The following AKT3 variants were observed in gnomAD, a reference collection of about 807,000 sequenced individuals.
AKT3 encodes RAC-gamma serine/threonine-protein kinase.
AKT3 carries 15 observed loss-of-function variants against 65.3 expected under a neutral mutation model. The ratio of observed to expected loss-of-function variants is 0.23; its 90% CI spans 0.15 to 0.35. The LOEUF is 0.35. AKT3 is among the 10% of genes least tolerant of loss of function. The probability of loss-of-function intolerance (pLI) is 1.00; values close to 1 mark genes in which losing one functional copy is unlikely to be tolerated. For synonymous variants in AKT3, 206 were observed against 183.8 expected (o/e 1.12, Z -0.98); for missense variants, 243 against 576.5 (o/e 0.42, Z 5.92).
intron 1 of AKT3, 98 bp from the exon 2 acceptor site, chr1:243,843,380 T>G: frequency 8.3e-7 from 1 of 1,203,278 alleles, no homozygotes; most frequent in Non-Finnish European, 1.1e-6. Context: ...TCAACTGGCC[T>G]GACCTCACAT....
chr1:243,773,065 A>G (rs900469812), intron 2 of AKT3, among the ~76,000 whole-genome samples: 2 of 150,404 alleles, frequency 1.3e-5, no homozygotes, highest in African/African-American at 4.9e-5. Context: ...GAGGGATAGC[A>G]TTAGGAGATA....
In AKT3 at chr1:243,504,316, T is replaced by A. The variant is rs186169175; in HGVS notation, c.*933A>T. 1 of 204,318 alleles carries A rather than the reference T, an allele frequency of 4.9e-6. No individual in the cohort carries two copies. Among genetic ancestry groups the A allele is most frequent in the African/African-American group, 2.3e-5 (1 of 43,626 alleles). 12.7% of individuals were successfully genotyped at this position (204,318 alleles called of 1,614,324 possible). On this transcript the variant is annotated 3_prime_UTR_variant, in exon 14 of 14. Coordinates refer to ENST00000673466, the MANE Select transcript of AKT3 (RefSeq NM_005465.7). ...AAGCTAATTCACGTAGAACTGAAAG[T>A]AAAAAATTAAATAAGGCAAACACCT...
intron 2 of AKT3, among the ~76,000 whole-genome samples, chr1:243,764,790 G>A (rs1689714521): frequency 6.6e-6 from 1 of 152,012 alleles, no homozygotes; most frequent in Admixed American, 6.6e-5. Context: ...CTCATCATAT[G>A]TCTCCCAAGA....
chr1:243,629,866 C>T (rs922497131), intron 6 of AKT3, among the ~76,000 whole-genome samples: 12 of 152,278 alleles, frequency 7.9e-5, no homozygotes, highest in African/African-American at 2.9e-4. Flanking sequence ...TGATATATTC[C>T]TCTTGTACCC....
chr1:243,608,217 G>A (rs560335708), intron 8 of AKT3, among the ~76,000 whole-genome samples: 5 of 152,080 alleles, frequency 3.3e-5, no homozygotes, highest in East Asian at 3.9e-4. Flanking sequence ...TTGTCTTATC[G>A]GACTACCATT....
At chr1:243,635,675 C>A (rs1444271371) in intron 6 of AKT3, among the ~76,000 whole-genome samples, 1 of 151,886 alleles carries the variant, frequency 6.6e-6, no homozygotes, top group Non-Finnish European at 1.5e-5. Context: ...AGAGTATTTC[C>A]TCTAAGATAC....
intron 2 of AKT3, among the ~76,000 whole-genome samples, chr1:243,746,274 T>C (rs1688467979): frequency 6.6e-6 from 1 of 152,262 alleles, no homozygotes; most frequent in African/African-American, 2.4e-5. Flanking sequence ...TCTTTCTCAA[T>C]TATGGTTGTT....
At chr1:243,738,619 C>T (rs1379604449) in intron 2 of AKT3, among the ~76,000 whole-genome samples, 1 of 151,996 alleles carries the variant, frequency 6.6e-6, no homozygotes, top group Admixed American at 6.5e-5. Context: ...CAAAAGTATA[C>T]ATAAATGTCT....
intron 3 of AKT3, among the ~76,000 whole-genome samples, chr1:243,678,305 C>T (rs1683671922): frequency 1.3e-5 from 2 of 151,884 alleles, no homozygotes; most frequent in Admixed American, 1.3e-4. Context: ...TTTACTACAG[C>T]AACAACAACA....
At chr1:243,559,997 A>C (rs1157366568) in intron 10 of AKT3, among the ~76,000 whole-genome samples, 4 of 152,138 alleles carry the variant, frequency 2.6e-5, no homozygotes, top group Non-Finnish European at 1.5e-5. Flanking sequence ...ATCTGATCAC[A>C]GTATCGCCTT....
At chr1:243,609,984 A>C (rs553789606) in intron 8 of AKT3, among the ~76,000 whole-genome samples, 1 of 152,304 alleles carries the variant, frequency 6.6e-6, no homozygotes, top group African/African-American at 2.4e-5. Flanking sequence ...TTTCACACTT[A>C]GTATTATTTT....
intron 2 of AKT3, among the ~76,000 whole-genome samples, chr1:243,841,528 A>T (rs919210857): frequency 7.9e-5 from 12 of 152,232 alleles, no homozygotes. Flanking sequence ...TTCGTAATTT[A>T]TAACAGGAGA....
At chr1:243,777,840 A>G (rs1399364844) in intron 2 of AKT3, among the ~76,000 whole-genome samples, 1 of 152,222 alleles carries the variant, frequency 6.6e-6, no homozygotes, top group African/African-American at 2.4e-5. Context: ...TACTTCACCC[A>G]CAAGATAATA....
chr1:243,549,559 G>A (rs1204730966), intron 11 of AKT3, among the ~76,000 whole-genome samples: 4 of 152,060 alleles, frequency 2.6e-5, no homozygotes, highest in African/African-American at 9.7e-5. Flanking sequence ...CTCCCAAGTA[G>A]CTGGGACTAC....
intron 3 of AKT3, among the ~76,000 whole-genome samples, chr1:243,690,606 C>A (rs1225493531): frequency 6.6e-6 from 1 of 152,078 alleles, no homozygotes. Context: ...ATATTGCTAT[C>A]CACATTCTAC....
intron 2 of AKT3, among the ~76,000 whole-genome samples, chr1:243,783,603 T>C (rs1691050746): frequency 6.6e-6 from 1 of 152,132 alleles, no homozygotes; most frequent in Non-Finnish European, 1.5e-5. Context: ...AAAAGTTAAC[T>C]TAAAAAATTT....
intron 2 of AKT3, among the ~76,000 whole-genome samples, chr1:243,779,855 C>T (rs750918325): frequency 1.3e-5 from 2 of 151,956 alleles, no homozygotes; most frequent in African/African-American, 4.8e-5. Context: ...ATTTAAAAGC[C>T]GGCCTGAAAG....
intron 5 of AKT3, among the ~76,000 whole-genome samples, chr1:243,644,497 A>C (rs891062087): frequency 6.6e-6 from 1 of 152,146 alleles, no homozygotes; most frequent in African/African-American, 2.4e-5. Flanking sequence ...AAACAGGAAT[A>C]ATAATGGTAC....
At chr1:243,668,240 G>A (rs1042953891) in intron 3 of AKT3, among the ~76,000 whole-genome samples, 3 of 152,118 alleles carry the variant, frequency 2.0e-5, no homozygotes, top group Admixed American at 2.0e-4. Flanking sequence ...TAATTTTGAT[G>A]CTACCAAAAG....
Sources: allele counts gnomAD v4.1 joint callset (sites outside exome capture counted in the v4.1 genomes callset), GRCh38; gene constraint gnomAD v4.1.1; transcripts MANE v1.5; gene names NCBI Gene and HGNC (gene_info 2026-07-23, HGNC 2026-07-21).